Variants in CNTNAP2 observed in about 807,000 individuals in gnomAD.
CNTNAP2 encodes the protein contactin associated protein 2.
Under a neutral mutation model 155.2 loss-of-function variants are expected in CNTNAP2, and 98 were observed. The observed-to-expected ratio is 0.63, with a 90% CI of 0.54 to 0.75. CNTNAP2 has a LOEUF of 0.75. Among genes scored for constraint, CNTNAP2 ranks in the 30% least tolerant of loss-of-function variants. CNTNAP2 has a pLI of 0.00. For synonymous variants in CNTNAP2, 651 were observed against 631.2 expected (o/e 1.03, Z -0.47); for missense variants, 1,727 against 1,688.1 (o/e 1.02, Z -0.40).
At chr7:146,162,078 A>G (rs2116800777) in intron 1 of CNTNAP2, among the ~76,000 whole-genome samples, 1 of 152,342 alleles carries the variant, frequency 6.6e-6, no homozygotes, top group African/African-American at 2.4e-5. Context: ...AACCTAAGCA[A>G]TACCATTCAG....
Position 147,447,563 on chromosome 7 carries a change from C to A in CNTNAP2, c.1671-38372C>A, listed in dbSNP as rs561740850. Reference sequence around the variant, plus strand: ...CCCCAAGTAGCTAGGACTACAGGCGCGCGCCACCAAGCCCAGCTAATTTTT... The same window carrying A: ...CCCCAAGTAGCTAGGACTACAGGCGAGCGCCACCAAGCCCAGCTAATTTTT... On this transcript the variant is annotated intron_variant, in intron 10 of 23. Coordinates refer to ENST00000361727, the MANE Select transcript of CNTNAP2 (RefSeq NM_014141.6). Among the ~76,000 whole-genome samples the A allele has an allele frequency of 1.8e-4, 27 of 152,094 alleles. No homozygotes were observed. The South Asian group carries it at 2.3e-3, about 13-fold the overall frequency.
chr7:148,259,312 C>T (rs1048678148), intron 20 of CNTNAP2, among the ~76,000 whole-genome samples: 2 of 147,646 alleles, frequency 1.4e-5, no homozygotes, highest in Admixed American at 6.8e-5. Context: ...GCTGTGACTG[C>T]GCCACTGCAC....
chr7:147,939,837 G>C (rs991858464), intron 14 of CNTNAP2, among the ~76,000 whole-genome samples: 4 of 151,942 alleles, frequency 2.6e-5, no homozygotes, highest in Admixed American at 2.6e-4. Flanking sequence ...TGTAAAGAAA[G>C]GTAAATAAAT....
intron 1 of CNTNAP2, among the ~76,000 whole-genome samples, chr7:146,211,233 C>A (rs1220361395): frequency 6.6e-6 from 1 of 152,058 alleles, no homozygotes; most frequent in East Asian, 1.9e-4. Flanking sequence ...ATAAAGTTGA[C>A]CTTCATTTCA....
intron 1 of CNTNAP2, among the ~76,000 whole-genome samples, chr7:146,356,683 A>C (rs960173223): frequency 6.6e-6 from 1 of 152,216 alleles, no homozygotes; most frequent in Non-Finnish European, 1.5e-5. Context: ...TATTCAATTC[A>C]TCCTAACTGA....
chr7:148,228,639 C>T (rs1454103142), intron 19 of CNTNAP2, among the ~76,000 whole-genome samples: 2 of 151,770 alleles, frequency 1.3e-5, no homozygotes, highest in African/African-American at 2.4e-5. Context: ...CTGGCTAATA[C>T]GGTGAAACCC....
At chr7:146,209,472 C>T (rs917182803) in intron 1 of CNTNAP2, among the ~76,000 whole-genome samples, 1 of 152,134 alleles carries the variant, frequency 6.6e-6, no homozygotes, top group African/African-American at 2.4e-5. Context: ...GAGGCCTCAC[C>T]CAGCTTTGTG....
intron 18 of CNTNAP2, among the ~76,000 whole-genome samples, chr7:148,215,401 T>TA (rs1033787834): frequency 6.6e-6 from 1 of 152,168 alleles, no homozygotes; most frequent in African/African-American, 2.4e-5. Flanking sequence ...TTTTTTTGTG[T>TA]AAGGTTGCAA....
chr7:147,198,832 A>G (rs1802862136), intron 8 of CNTNAP2, among the ~76,000 whole-genome samples: 2 of 152,170 alleles, frequency 1.3e-5, no homozygotes, highest in Non-Finnish European at 2.9e-5. Context: ...AACTGCAACA[A>G]CAAACTTTTG....
chr7:147,645,843 C>T (rs1795357170), intron 13 of CNTNAP2, among the ~76,000 whole-genome samples: 1 of 152,084 alleles, frequency 6.6e-6, no homozygotes, highest in African/African-American at 2.4e-5. Context: ...AGATGGAGAT[C>T]AAGAGACACT....
intron 12 of CNTNAP2, among the ~76,000 whole-genome samples, chr7:147,583,203 T>A (rs1425421310): frequency 6.6e-6 from 1 of 151,966 alleles, no homozygotes; most frequent in African/African-American, 2.4e-5. Flanking sequence ...ACCCTGAAAC[T>A]CAAAATTATA....
intron 16 of CNTNAP2, among the ~76,000 whole-genome samples, chr7:148,143,211 A>G (rs1476960299): frequency 6.6e-6 from 1 of 152,314 alleles, no homozygotes; most frequent in African/African-American, 2.4e-5. Context: ...TATGGATATA[A>G]TCCTCACTTT....
intron 1 of CNTNAP2, among the ~76,000 whole-genome samples, chr7:146,736,793 C>G (rs919359264): frequency 6.6e-6 from 1 of 152,100 alleles, no homozygotes; most frequent in African/African-American, 2.4e-5. Flanking sequence ...AACATAGATT[C>G]TTCAGAAACT....
intron 8 of CNTNAP2, among the ~76,000 whole-genome samples, chr7:147,235,829 CTCCCAG>C (rs528454520): frequency 2.1e-3 from 327 of 152,288 alleles, no homozygotes; most frequent in Non-Finnish European, 3.8e-3. Context: ...CTTCAAGGTC[CTCCCAG>C]TAGATGCCCG....
At chr7:146,306,171 C>T (rs918628809) in intron 1 of CNTNAP2, among the ~76,000 whole-genome samples, 2 of 152,132 alleles carry the variant, frequency 1.3e-5, no homozygotes, top group Non-Finnish European at 2.9e-5. Flanking sequence ...TTCCTGCACA[C>T]ATACACCCTC....
intron 8 of CNTNAP2, among the ~76,000 whole-genome samples, chr7:147,295,389 T>G (rs953158968): frequency 3.3e-5 from 5 of 152,188 alleles, no homozygotes; most frequent in Admixed American, 6.5e-5. Context: ...GTTTATTTGT[T>G]CAAGCTCTAG....
intron 9 of CNTNAP2, among the ~76,000 whole-genome samples, chr7:147,326,716 T>C (rs1013152322): frequency 6.6e-6 from 1 of 152,236 alleles, no homozygotes; most frequent in Admixed American, 6.5e-5. Context: ...TTACTTTGTT[T>C]TGCTTTTGTG....
chr7:148,093,264 A>G (rs1803887098), intron 15 of CNTNAP2, among the ~76,000 whole-genome samples: 1 of 152,184 alleles, frequency 6.6e-6, no homozygotes, highest in Admixed American at 6.5e-5. Flanking sequence ...GTGATCATAT[A>G]TGTGCATCAA....
chr7:147,678,400 T>C lies in CNTNAP2; in HGVS notation c.2098+39094T>C, dbSNP rs1322955766. On this transcript the variant is annotated intron_variant, in intron 13 of 23. Transcript: ENST00000361727. Reference sequence around the variant, plus strand: ...CCTTCTAATGCTTTTCTCTTTGTTATTGATTTCTTTTGTGGCATTAATTTT... The same window carrying C: ...CCTTCTAATGCTTTTCTCTTTGTTACTGATTTCTTTTGTGGCATTAATTTT... Among the ~76,000 whole-genome samples, 4 of 151,940 alleles carry C rather than the reference T, an allele frequency of 2.6e-5. No individual in the cohort carries two copies. In the East Asian group the frequency reaches 7.7e-4, roughly 29 times the overall value.
Sources: gnomAD v4.1 joint callset for allele counts (sites outside exome capture counted in the v4.1 genomes callset) on GRCh38, gnomAD v4.1.1 for gene constraint, MANE v1.5 for transcripts, NCBI Gene and HGNC (gene_info 2026-07-23, HGNC 2026-07-21) for gene names.